Variants in CHLSN observed in about 807,000 individuals in gnomAD.
CHLSN encodes protein cholesin.
At chr7:1,087,547 G>A in the CHLSN span, among the ~76,000 whole-genome samples, 1 of 152,084 alleles carries the variant, frequency 6.6e-6, no homozygotes, top group Non-Finnish European at 1.5e-5. Context: ...CCCGCCACAC[G>A]AGGTCAGGTG....
the CHLSN span, chr7:985,382 C>T: frequency 6.6e-7 from 1 of 1,520,614 alleles, no homozygotes; most frequent in Admixed American, 2.0e-5. Context: ...GGGCGTGCAG[C>T]AGGAGGACGG....
the CHLSN span, among the ~76,000 whole-genome samples, chr7:1,034,004 ACT>A: frequency 1.3e-5 from 2 of 152,208 alleles, no homozygotes; most frequent in African/African-American, 2.4e-5. Context: ...AAGAAATATA[ACT>A]CTCTGTATTT....
chr7:1,130,717 TG>T, the CHLSN span, among the ~76,000 whole-genome samples: 2 of 144,392 alleles, frequency 1.4e-5, no homozygotes, highest in South Asian at 2.5e-4. Context: ...CCCGGGCGGG[TG>T]GGGGCGGGGG....
the CHLSN span, among the ~76,000 whole-genome samples, chr7:1,016,995 C>T: frequency 7.1e-6 from 1 of 141,280 alleles, no homozygotes; most frequent in East Asian, 2.0e-4. Context: ...CACAGCAGCG[C>T]ACAGGAGCAC....
chr7:1,004,084 T>C, the CHLSN span, among the ~76,000 whole-genome samples: 5 of 151,984 alleles, frequency 3.3e-5, no homozygotes, highest in Non-Finnish European at 7.4e-5. Flanking sequence ...GCCAGCCCCA[T>C]GTGCAGTGAC....
chr7:1,123,472 G>C, the CHLSN span, among the ~76,000 whole-genome samples: 3 of 152,150 alleles, frequency 2.0e-5, no homozygotes, highest in Non-Finnish European at 4.4e-5. The surrounding 1 kb of genome is among the most constrained non-coding windows in gnomAD (Gnocchi z 4.4). Context: ...GGATCCACTG[G>C]GGGAGGGGAG....
the CHLSN span, among the ~76,000 whole-genome samples, chr7:1,044,351 G>A: frequency 2.0e-5 from 3 of 152,384 alleles, no homozygotes; most frequent in Admixed American, 6.5e-5. Flanking sequence ...TCTCGCACGA[G>A]TTCGTCAAAT....
At chr7:1,093,800 T>C in the CHLSN span, 1 of 412,276 alleles carries the variant, frequency 2.4e-6, no homozygotes, top group Non-Finnish European at 5.1e-6. Flanking sequence ...AATAAACCTG[T>C]CATGTGCGGA....
the CHLSN span, among the ~76,000 whole-genome samples, chr7:1,120,107 A>G: frequency 1.6e-4 from 24 of 152,154 alleles, no homozygotes; most frequent in Admixed American, 1.3e-4. Flanking sequence ...TTAAAACCAC[A>G]TACTCAGAAT....
chr7:1,018,191 C>T, the CHLSN span, among the ~76,000 whole-genome samples: 3 of 152,298 alleles, frequency 2.0e-5, no homozygotes, highest in East Asian at 5.8e-4. Context: ...GCCCAGGACA[C>T]GCACACTAGG....
the CHLSN span, chr7:1,045,215 C>T: frequency 1.3e-5 from 2 of 152,262 alleles, no homozygotes; most frequent in South Asian, 2.1e-4. Flanking sequence ...ACAAACCTGG[C>T]AAGTCAGTTC....
chr7:1,030,783 G>A, the CHLSN span, among the ~76,000 whole-genome samples: 9 of 152,030 alleles, frequency 5.9e-5, no homozygotes, highest in East Asian at 5.8e-4. Context: ...CTCTCTCCCC[G>A]GGCAGGTGGG....
At chr7:994,472 A>C in the CHLSN span, among the ~76,000 whole-genome samples, 4 of 151,962 alleles carry the variant, frequency 2.6e-5, no homozygotes, top group East Asian at 7.8e-4. Context: ...TCACCGCACT[A>C]AATTTTTTTT....
At chr7:1,101,370 T>C in the CHLSN span, among the ~76,000 whole-genome samples, 455 of 152,370 alleles carry the variant, frequency 3.0e-3, no homozygotes, top group Middle Eastern at 0.02. Context: ...AGAAGTCAGC[T>C]GCTGGGAGTC....
At chr7:1,050,591 G>A in the CHLSN span, among the ~76,000 whole-genome samples, 6 of 152,342 alleles carry the variant, frequency 3.9e-5, no homozygotes, top group East Asian at 5.8e-4. Context: ...GCAGGCGGAC[G>A]GACGCGGGAG....
chr7:1,095,572 C>T, the CHLSN span, among the ~76,000 whole-genome samples: 2 of 152,212 alleles, frequency 1.3e-5, no homozygotes, highest in African/African-American at 2.4e-5. Context: ...AATACGCAGA[C>T]GAGAGACCCA....
the CHLSN span, among the ~76,000 whole-genome samples, chr7:1,131,139 C>T: frequency 5.5e-5 from 8 of 145,584 alleles, no homozygotes; most frequent in East Asian, 1.6e-3. Flanking sequence ...TGCAGTGAGC[C>T]ATGACTGTAC....
the CHLSN span, among the ~76,000 whole-genome samples, chr7:1,060,873 G>A: frequency 3.2e-4 from 48 of 152,316 alleles, no homozygotes; most frequent in African/African-American, 1.1e-3. Context: ...CCTGGCATCC[G>A]ATGAGGAAGT....
At chr7:1,022,349 C>T in the CHLSN span, among the ~76,000 whole-genome samples, 1 of 152,228 alleles carries the variant, frequency 6.6e-6, no homozygotes, top group Non-Finnish European at 1.5e-5. Context: ...CGTCCCACAG[C>T]CCTCTCATGG....
Sources: gnomAD v4.1 joint callset for allele counts (sites outside exome capture counted in the v4.1 genomes callset) on GRCh38, gnomAD v4.1.1 for gene constraint, Gnocchi (gnomAD v3.1) non-coding constraint, MANE v1.5 for transcripts, NCBI Gene and HGNC (gene_info 2026-07-23, HGNC 2026-07-21) for gene names.